Variants in EPHA3 observed in about 807,000 individuals in gnomAD.
EPHA3 encodes EPH receptor A3.
Under a neutral mutation model 107.1 loss-of-function variants are expected in EPHA3, and 42 were observed. The observed-to-expected ratio is 0.39, with a 90% confidence interval of 0.31 to 0.51. The LOEUF (loss-of-function observed/expected upper bound fraction) is 0.51, where lower values mean the gene tolerates loss of function less well. Among genes scored for constraint, EPHA3 ranks in the 20% least tolerant of loss-of-function variants. The pLI, the probability that EPHA3 is intolerant of heterozygous loss-of-function variation, is 0.78. For missense variants in EPHA3, 1,183 were observed against 1,211.2 expected (o/e 0.98, Z 0.35); for synonymous variants, 461 against 424.8 (o/e 1.09, Z -1.05).
chr3:89,233,377 A>G (rs1391499367), intron 3 of EPHA3, among the ~76,000 whole-genome samples: 1 of 152,044 alleles, frequency 6.6e-6, no homozygotes, highest in African/African-American at 2.4e-5. Context: ...GCATTGAACT[A>G]GTGTGCGTAA....
chr3:89,189,622 G>A (rs1184348206), intron 2 of EPHA3, among the ~76,000 whole-genome samples: 1 of 152,086 alleles, frequency 6.6e-6, no homozygotes, highest in Admixed American at 6.6e-5. Flanking sequence ...TACACTAAGA[G>A]ACCTAGCTCT....
At chr3:89,253,715 G>C (rs1235502027) in intron 3 of EPHA3, among the ~76,000 whole-genome samples, 1 of 151,984 alleles carries the variant, frequency 6.6e-6, no homozygotes, top group East Asian at 1.9e-4. Flanking sequence ...AGTTTAGTCA[G>C]TTAATAAGGA....
At chr3:89,468,410 A>AAAAGT (rs1225232436) in intron 15 of EPHA3, among the ~76,000 whole-genome samples, 2 of 152,192 alleles carry the variant, frequency 1.3e-5, no homozygotes, top group Non-Finnish European at 2.9e-5. Context: ...TGTTGAGTGT[A>AAAAGT]AAAGTACAAA....
At chr3:89,448,765 G>T (rs899686878) in intron 13 of EPHA3, among the ~76,000 whole-genome samples, 1 of 151,968 alleles carries the variant, frequency 6.6e-6, no homozygotes, top group Non-Finnish European at 1.5e-5. Flanking sequence ...GTACTTATGT[G>T]CCAGGGAGTG....
intron 9 of EPHA3, among the ~76,000 whole-genome samples, chr3:89,412,395 G>A (rs1411835000): frequency 4.6e-5 from 7 of 151,298 alleles, no homozygotes; most frequent in Admixed American, 4.6e-4. Context: ...TTGGAACTTA[G>A]CTCCTTAGCG....
At chr3:89,374,791 C>A (rs1255510230) in intron 5 of EPHA3, among the ~76,000 whole-genome samples, 1 of 151,560 alleles carries the variant, frequency 6.6e-6, no homozygotes, top group African/African-American at 2.4e-5. Context: ...CCTGAGAATG[C>A]CACATTCCGA....
intron 3 of EPHA3, among the ~76,000 whole-genome samples, chr3:89,248,997 C>G (rs983071532): frequency 6.6e-6 from 1 of 152,138 alleles, no homozygotes; most frequent in Non-Finnish European, 1.5e-5. Flanking sequence ...TTAATCTGCA[C>G]CAAAAATCTA....
chr3:89,109,984 T>G (rs1317469616), intron 1 of EPHA3, among the ~76,000 whole-genome samples: 3 of 151,972 alleles, frequency 2.0e-5, no homozygotes, highest in African/African-American at 2.4e-5. Flanking sequence ...GGGCTCTCAG[T>G]TGAGTTGAAT....
intron 3 of EPHA3, among the ~76,000 whole-genome samples, chr3:89,224,960 C>A (rs1377509826): frequency 1.3e-5 from 2 of 151,924 alleles, no homozygotes; most frequent in Non-Finnish European, 2.9e-5. Context: ...TAAAGAGTGG[C>A]TGTGATTAGT....
At chr3:89,332,338 A>G (rs1379690391) in intron 3 of EPHA3, among the ~76,000 whole-genome samples, 1 of 152,214 alleles carries the variant, frequency 6.6e-6, no homozygotes. Flanking sequence ...AATCTGATGC[A>G]ATAACAACAA....
intron 3 of EPHA3, among the ~76,000 whole-genome samples, chr3:89,258,298 A>T (rs1305621339): frequency 6.6e-6 from 1 of 152,220 alleles, no homozygotes; most frequent in African/African-American, 2.4e-5. Context: ...AGCAAGTGTG[A>T]TATGTGATCT....
At chr3:89,361,789 A>AC (rs1467215941) in intron 5 of EPHA3, among the ~76,000 whole-genome samples, 1 of 150,996 alleles carries the variant, frequency 6.6e-6, no homozygotes, top group African/African-American at 2.4e-5. Flanking sequence ...GTTTCACAAA[A>AC]CCAACAGTGT....
At chr3:89,321,271 GACTAGTTCTTAATGTAAGAC>G (rs1223942954) in intron 3 of EPHA3, among the ~76,000 whole-genome samples, 1 of 151,928 alleles carries the variant, frequency 6.6e-6, no homozygotes, top group African/African-American at 2.4e-5. Flanking sequence ...TGAGATCTGG[GACTAGTTCTTAATGTAAGAC>G]ACTAGCCAGC....
intron 13 of EPHA3, among the ~76,000 whole-genome samples, chr3:89,440,818 C>G (rs572488490): frequency 6.6e-6 from 1 of 152,248 alleles, no homozygotes; most frequent in Middle Eastern, 3.4e-3. Flanking sequence ...TCTCCTTTAC[C>G]TTTTCTGTAA....
intron 3 of EPHA3, among the ~76,000 whole-genome samples, chr3:89,334,213 C>T (rs1401643741): frequency 6.6e-6 from 1 of 152,106 alleles, no homozygotes; most frequent in East Asian, 1.9e-4. Context: ...ATCATTCAGT[C>T]CATTTGACTA....
chr3:89,479,308 A>G, intron 16 of EPHA3, 89 bp from the exon 17 acceptor site: 1 of 1,007,800 alleles, frequency 9.9e-7, no homozygotes, highest in South Asian at 1.4e-5. Flanking sequence ...GTACTAGAAT[A>G]TAACATCGTG....
At chr3:89,248,654 A>G (rs1156422187) in intron 3 of EPHA3, among the ~76,000 whole-genome samples, 9 of 152,140 alleles carry the variant, frequency 5.9e-5, no homozygotes, top group African/African-American at 1.4e-4. Context: ...ACGATAGTCA[A>G]CCAGATTATT....
intron 2 of EPHA3, among the ~76,000 whole-genome samples, chr3:89,147,949 T>A (rs1261714238): frequency 6.6e-6 from 1 of 151,812 alleles, no homozygotes; most frequent in Non-Finnish European, 1.5e-5. Context: ...TATGGAATAT[T>A]AAGGAAAAAT....
chr3:89,269,594 T>A (rs1444692125), intron 3 of EPHA3, among the ~76,000 whole-genome samples: 1 of 150,930 alleles, frequency 6.6e-6, no homozygotes, highest in Non-Finnish European at 1.5e-5. Context: ...GTGACAACAA[T>A]TTTTTTTTCT....
Sources: gnomAD v4.1 joint callset for allele counts (sites outside exome capture counted in the v4.1 genomes callset) on GRCh38, gnomAD v4.1.1 for gene constraint, MANE v1.5 for transcripts, NCBI Gene and HGNC (gene_info 2026-07-23, HGNC 2026-07-21) for gene names.